The following MED12L variants were observed in gnomAD, a reference collection of about 807,000 sequenced individuals.
MED12L encodes the protein mediator complex subunit 12L.
MED12L carries 60 observed loss-of-function variants against 281.3 expected under a neutral mutation model. That is an observed-to-expected ratio of 0.21 (90% CI 0.17 to 0.26). The LOEUF is 0.26. Ranked by LOEUF, MED12L falls within the 10% of genes least tolerant of loss-of-function variation. MED12L has a pLI of 1.00. For missense variants in MED12L, 2,146 were observed against 2,680.9 expected (o/e 0.80, Z 4.41); for synonymous variants, 974 against 987.2 (o/e 0.99, Z 0.25).
intron 12 of MED12L, 140 bp from the exon 13 acceptor site, chr3:151,188,214 C>T (rs562697837): frequency 1.2e-5 from 7 of 571,990 alleles, no homozygotes; most frequent in African/African-American, 1.1e-4. Flanking sequence ...GGTGCATGGT[C>T]CCTTAAATAA....
intron 16 of MED12L, among the ~76,000 whole-genome samples, chr3:151,331,944 C>T (rs994353687): frequency 6.6e-6 from 1 of 152,164 alleles, no homozygotes; most frequent in Non-Finnish European, 1.5e-5. Flanking sequence ...GCCTCACTCT[C>T]TTGCCTCCGA....
intron 44 of MED12L, 135 bp downstream of exon 44, chr3:151,430,515 A>G (rs1207508491): frequency 8.1e-6 from 11 of 1,351,036 alleles, no homozygotes; most frequent in Non-Finnish European, 1.1e-5. Flanking sequence ...GGTTTAGCCC[A>G]AGGTATTTTC....
At chr3:151,341,364 C>T (rs573592055) in intron 16 of MED12L, among the ~76,000 whole-genome samples, 5 of 152,050 alleles carry the variant, frequency 3.3e-5, no homozygotes, top group African/African-American at 4.8e-5. Context: ...TATACTGTGT[C>T]GTTCATGCTT....
intron 4 of MED12L, 61 bp downstream of exon 4, chr3:151,123,035 A>G: frequency 7.5e-7 from 1 of 1,327,320 alleles, no homozygotes; most frequent in Non-Finnish European, 1.0e-6. Context: ...TTGGGATAAT[A>G]TTCAAGTATA....
intron 16 of MED12L, chr3:151,214,432 A>G: frequency 1.2e-6 from 1 of 834,540 alleles, no homozygotes; most frequent in East Asian, 2.5e-5. Flanking sequence ...GAATATAGTC[A>G]AACCTACCAA....
In MED12L at chr3:151,376,098, G is replaced by A; in HGVS notation, c.3937G>A (p.Val1313Met). Residue 1313 changes from valine to methionine, a missense_variant, in exon 28 of 45, where the codon GTG (valine) becomes ATG (methionine). Transcript: ENST00000687756. ...AGACAAAGAACTTATATTGGACCCT[G>A]TGCTTTCAAATATGCAAGCACAGAA... is the stretch of plus-strand genomic sequence containing the variant. Reference protein sequence around the residue: ...CTDKELILDPVLSNMQAQKLL... With the variant: ...CTDKELILDPMLSNMQAQKLL... 6.2e-7 allele frequency: 1 copy of A among 1,612,556 alleles called. No homozygotes were observed. The highest frequency in any genetic ancestry group is 8.5e-7 in the Non-Finnish European group (1 of 1,179,494).
Position 151,213,831 on chromosome 3 carries a change from C to G in MED12L, c.2250+20165C>G. On this transcript the variant is annotated intron_variant, in intron 16 of 44. Transcript: ENST00000687756. ...TTATTTGTGTAACCTCCCTAACACTCTGGTTGGTGAGAATAATATTTGGAA... is the reference window on the plus strand; with the variant it reads ...TTATTTGTGTAACCTCCCTAACACTGTGGTTGGTGAGAATAATATTTGGAA... 4 of 1,614,130 alleles carry G rather than the reference C, an allele frequency of 2.5e-6. No homozygotes were observed. Among genetic ancestry groups the G allele is most frequent in the Non-Finnish European group, 3.4e-6 (4 of 1,180,002 alleles).
intron 16 of MED12L, among the ~76,000 whole-genome samples, chr3:151,237,543 G>T (rs2149359906): frequency 6.6e-6 from 1 of 151,210 alleles, no homozygotes; most frequent in Non-Finnish European, 1.5e-5. Flanking sequence ...TGGAGATGGG[G>T]TTTCACCATG....
chr3:151,383,691 A>T (rs1712809955), intron 33 of MED12L, 88 bp from the exon 34 acceptor site: 2 of 807,800 alleles, frequency 2.5e-6, no homozygotes, highest in Non-Finnish European at 3.9e-6. Context: ...TTTTAAATAA[A>T]AAACAATCAA....
chr3:151,301,011 CTT>C (rs893587399), intron 16 of MED12L, among the ~76,000 whole-genome samples: 6 of 152,166 alleles, frequency 3.9e-5, no homozygotes, highest in African/African-American at 1.4e-4. Context: ...AGAATCCACT[CTT>C]TTGAGAGTTT....
chr3:151,384,593 C>T, intron 35 of MED12L: 1 of 193,850 alleles, frequency 5.2e-6, no homozygotes, highest in South Asian at 1.3e-4. Flanking sequence ...ATTTGACCGA[C>T]CACTAACAGA....
At chr3:151,415,669 A>G (rs1427158834) in intron 42 of MED12L, among the ~76,000 whole-genome samples, 3 of 152,112 alleles carry the variant, frequency 2.0e-5, no homozygotes, top group African/African-American at 7.3e-5. Flanking sequence ...CATTGAAACA[A>G]AACAAAACAA....
At chr3:151,086,220 C>A (rs1719159959) in intron 1 of MED12L, among the ~76,000 whole-genome samples, 1 of 152,316 alleles carries the variant, frequency 6.6e-6, no homozygotes, top group East Asian at 1.9e-4. Flanking sequence ...GCCACTGGAA[C>A]CTGGCGGGCG....
intron 16 of MED12L, among the ~76,000 whole-genome samples, chr3:151,296,607 G>A (rs1311786824): frequency 6.6e-6 from 1 of 151,902 alleles, no homozygotes; most frequent in African/African-American, 2.4e-5. Flanking sequence ...TCTCCCACAA[G>A]TGGTTGGAAG....
At chr3:151,298,657 A>G (rs1305808056) in intron 16 of MED12L, among the ~76,000 whole-genome samples, 1 of 152,058 alleles carries the variant, frequency 6.6e-6, no homozygotes, top group African/African-American at 2.4e-5. Flanking sequence ...TGAGGGTGGT[A>G]TTTGTTTGGG....
chr3:151,209,292 G>GT (rs1468296962), intron 16 of MED12L, among the ~76,000 whole-genome samples: 37 of 152,018 alleles, frequency 2.4e-4, no homozygotes, highest in Non-Finnish European at 4.0e-4. Flanking sequence ...TTTCTTGTTT[G>GT]TTTTTTTGTA....
At chr3:151,366,342 C>T (rs1486105553) in intron 23 of MED12L, among the ~76,000 whole-genome samples, 3 of 152,130 alleles carry the variant, frequency 2.0e-5, no homozygotes, top group African/African-American at 7.2e-5. Flanking sequence ...GGGACATAAT[C>T]TAACTAAAGC....
intron 16 of MED12L, among the ~76,000 whole-genome samples, chr3:151,307,439 C>T (rs1746808452): frequency 6.6e-6 from 1 of 152,104 alleles, no homozygotes; most frequent in African/African-American, 2.4e-5. Context: ...GTTCTGTTCT[C>T]ATAGTTTTGC....
At chr3:151,257,505 G>C (rs80218899) in intron 16 of MED12L, among the ~76,000 whole-genome samples, 3 of 152,248 alleles carry the variant, frequency 2.0e-5, no homozygotes, top group Admixed American at 2.0e-4. Context: ...CACCCTCATC[G>C]TTAGGAGAAT....
Sources: gnomAD v4.1 joint callset for allele counts (sites outside exome capture counted in the v4.1 genomes callset) on GRCh38, gnomAD v4.1.1 for gene constraint, MANE v1.5 for transcripts, NCBI Gene and HGNC (gene_info 2026-07-23, HGNC 2026-07-21) for gene names.